The following GRID2 variants were observed in gnomAD, a reference collection of about 807,000 sequenced individuals.
GRID2 encodes glutamate receptor ionotropic, delta-2.
GRID2 carries 33 observed loss-of-function variants against 114.8 expected under a neutral mutation model. The observed-to-expected ratio is 0.29, with a 90% CI of 0.22 to 0.38. The LOEUF (loss-of-function observed/expected upper bound fraction) is 0.38. Ranked by LOEUF, GRID2 falls within the 10% of genes least tolerant of loss-of-function variation. GRID2 has a pLI of 1.00. For synonymous variants in GRID2, 505 were observed against 449.9 expected (o/e 1.12, Z -1.55); for missense variants, 1,184 against 1,257.7 (o/e 0.94, Z 0.89).
chr4:92,618,185 T>C (rs1030283318), intron 2 of GRID2, among the ~76,000 whole-genome samples: 1 of 151,766 alleles, frequency 6.6e-6, no homozygotes, highest in South Asian at 2.1e-4. Flanking sequence ...TATTTCTGCA[T>C]AGTGTGAAAG....
downstream of GRID2, among the ~76,000 whole-genome samples, chr4:93,778,236 T>A (rs1003518863): frequency 6.6e-6 from 1 of 152,178 alleles, no homozygotes; most frequent in African/African-American, 2.4e-5. Context: ...TAATATTTAA[T>A]TCCTTTCCAA....
chr4:93,371,922 A>G (rs1762969164), intron 8 of GRID2, among the ~76,000 whole-genome samples: 1 of 151,496 alleles, frequency 6.6e-6, no homozygotes. Context: ...TAATTTTTGT[A>G]TTCTTAGTAG....
At chr4:93,600,369 T>C (rs1464340069) in intron 13 of GRID2, among the ~76,000 whole-genome samples, 1 of 151,896 alleles carries the variant, frequency 6.6e-6, no homozygotes, top group Non-Finnish European at 1.5e-5. Flanking sequence ...CTAAAATCAA[T>C]AATGAAAAGA....
chr4:93,303,951 C>T (rs902275160), intron 8 of GRID2, among the ~76,000 whole-genome samples: 3 of 151,972 alleles, frequency 2.0e-5, no homozygotes, highest in African/African-American at 7.2e-5. Context: ...AATAATACTT[C>T]TCTGAGTATA....
intron 2 of GRID2, among the ~76,000 whole-genome samples, chr4:92,919,496 T>C (rs1403609342): frequency 6.6e-6 from 1 of 152,234 alleles, no homozygotes; most frequent in Non-Finnish European, 1.5e-5. Flanking sequence ...TTTAGTGCTA[T>C]AAGTTTCCCT....
At chr4:93,007,734 A>G (rs1721699565) in intron 2 of GRID2, among the ~76,000 whole-genome samples, 1 of 152,048 alleles carries the variant, frequency 6.6e-6, no homozygotes, top group Non-Finnish European at 1.5e-5. Flanking sequence ...TTGCAGTTCA[A>G]ACTAATGGAT....
At chr4:93,750,649 G>A (rs557129775) in intron 14 of GRID2, among the ~76,000 whole-genome samples, 52 of 152,102 alleles carry the variant, frequency 3.4e-4, no homozygotes, top group Non-Finnish European at 6.9e-4. Flanking sequence ...TCAGCTACTC[G>A]GGAGGCTGAG....
intron 2 of GRID2, among the ~76,000 whole-genome samples, chr4:93,053,576 G>A (rs1726929299): frequency 6.6e-6 from 1 of 151,890 alleles, no homozygotes; most frequent in African/African-American, 2.4e-5. Context: ...ACTGTGCACT[G>A]GCATGCATTT....
intron 2 of GRID2, among the ~76,000 whole-genome samples, chr4:92,937,380 G>A (rs1414886710): frequency 6.8e-6 from 1 of 146,428 alleles, no homozygotes; most frequent in African/African-American, 2.4e-5. Context: ...TGTGAGGTAG[G>A]AGTCCAACTT....
At chr4:92,868,066 T>TTCTGTCTGTCTG (rs1194588659) in intron 2 of GRID2, among the ~76,000 whole-genome samples, 3 of 123,316 alleles carry the variant, frequency 2.4e-5, no homozygotes, top group African/African-American at 3.2e-5. Context: ...CTTTCTTTCT[T>TTCTGTCTGTCTG]TCTGTCTGTC....
chr4:92,520,686 T>G (rs1371892727), intron 1 of GRID2, among the ~76,000 whole-genome samples: 1 of 151,950 alleles, frequency 6.6e-6, no homozygotes, highest in Non-Finnish European at 1.5e-5. Flanking sequence ...TCCCCCTTGG[T>G]AGTCAGGATC....
At chr4:92,610,317 C>T (rs1385201900) in intron 2 of GRID2, among the ~76,000 whole-genome samples, 1 of 151,600 alleles carries the variant, frequency 6.6e-6, no homozygotes, top group Non-Finnish European at 1.5e-5. Context: ...AAGAGTTGCC[C>T]TGGCTGGACT....
chr4:92,586,478 A>G (rs751170668), intron 1 of GRID2, among the ~76,000 whole-genome samples: 2 of 151,940 alleles, frequency 1.3e-5, no homozygotes, highest in Non-Finnish European at 2.9e-5. Flanking sequence ...GCAAGTAAGT[A>G]TATGTATTTT....
At chr4:93,756,659 C>A (rs1448970208) in intron 14 of GRID2, among the ~76,000 whole-genome samples, 1 of 152,164 alleles carries the variant, frequency 6.6e-6, no homozygotes, top group African/African-American at 2.4e-5. Flanking sequence ...AATTACCCCC[C>A]AAAGGCCCCA....
intron 14 of GRID2, among the ~76,000 whole-genome samples, chr4:93,731,004 G>A (rs1397966395): frequency 6.6e-6 from 1 of 152,196 alleles, no homozygotes; most frequent in African/African-American, 2.4e-5. Context: ...GACACCTGCT[G>A]GGCAAAGCTT....
chr4:93,590,752 C>T (rs1051356728), intron 13 of GRID2, among the ~76,000 whole-genome samples: 27 of 151,968 alleles, frequency 1.8e-4, no homozygotes, highest in Non-Finnish European at 3.8e-4. Context: ...TTGTAGTTCT[C>T]CTTGAAGAGG....
rs540200913 is a variant in GRID2 at position 93,081,613 on chromosome 4, C to A, written c.245-3382C>A. 3.3e-5 allele frequency among the ~76,000 whole-genome samples: 5 copies of A among 152,164 alleles called. No individual in the cohort carries two copies. In the South Asian group the frequency reaches 1.0e-3, roughly 32 times the overall value. ...CAACTGGAGTCATAAAACCAGCAAG[C>A]TTTTCAATATGATCTGTATGTATAG... On this transcript the variant is annotated intron_variant, in intron 2 of 15. Transcript: ENST00000282020.
rs74988828 is a variant in GRID2 at position 93,464,409 on chromosome 4, G to A, written c.1858+8435G>A. 1.6e-3 allele frequency among the ~76,000 whole-genome samples: 238 copies of A among 152,160 alleles called. 2 individuals are homozygous for A. Among genetic ancestry groups the A allele is most frequent in the East Asian group, 0.012 (61 of 5,164 alleles). ...CATGTTTTGAAAATTAAGACTGTTA[G>A]CATTTAGCCTAGCTCTAGAATGCAT... On this transcript the variant is annotated intron_variant, in intron 11 of 15. Coordinates refer to ENST00000282020, the MANE Select transcript of GRID2 (RefSeq NM_001510.4).
intron 14 of GRID2, among the ~76,000 whole-genome samples, chr4:93,633,599 A>T (rs576161968): frequency 6.6e-6 from 1 of 152,164 alleles, no homozygotes; most frequent in South Asian, 2.1e-4. Flanking sequence ...ACCTCTGTGC[A>T]TTTTGCTTGC....
Sources: allele counts gnomAD v4.1 joint callset (sites outside exome capture counted in the v4.1 genomes callset), GRCh38; gene constraint gnomAD v4.1.1; transcripts MANE v1.5; gene names NCBI Gene and HGNC (gene_info 2026-07-23, HGNC 2026-07-21).